The following LYPLAL1 variants were observed in gnomAD, a reference collection of about 807,000 sequenced individuals.
LYPLAL1 encodes the protein lysophospholipase like 1, also known as lysophospholipase-like protein 1.
In LYPLAL1, 23 loss-of-function variants were observed where a neutral mutation model predicts 19.7. The observed-to-expected ratio is 1.17, with a 90% CI of 0.84 to 1.65. LYPLAL1 has a LOEUF of 1.65. Among genes scored for constraint, LYPLAL1 ranks in the 40% most tolerant of loss-of-function variants. The probability of loss-of-function intolerance (pLI) is 0.00; values close to 1 mark genes in which losing one functional copy is unlikely to be tolerated. For missense variants in LYPLAL1, 355 were observed against 279.4 expected (o/e 1.27, Z -1.93); for synonymous variants, 119 against 96.3 (o/e 1.24, Z -1.38).
chr1:219,220,063 T>C, the LYPLAL1 span, among the ~76,000 whole-genome samples: 28 of 152,234 alleles, frequency 1.8e-4, no homozygotes, highest in Admixed American at 3.3e-4. Flanking sequence ...TTGCTTTCCC[T>C]ATAATAATTT....
chr1:219,375,887 G>A, the LYPLAL1 span, among the ~76,000 whole-genome samples: 3 of 151,854 alleles, frequency 2.0e-5, no homozygotes, highest in African/African-American at 7.3e-5. Context: ...GACTACAGGC[G>A]CCCGCCACCA....
chr1:219,228,384 GAAA>G, the LYPLAL1 span, among the ~76,000 whole-genome samples: 1 of 150,984 alleles, frequency 6.6e-6, no homozygotes, highest in African/African-American at 2.4e-5. Context: ...CTAAAAGAAA[GAAA>G]AAAAAAGTTG....
At chr1:219,349,047 T>C in the LYPLAL1 span, among the ~76,000 whole-genome samples, 6 of 152,222 alleles carry the variant, frequency 3.9e-5, no homozygotes, top group Non-Finnish European at 8.8e-5. Context: ...ATCATTTCTT[T>C]TTCATAAAAG....
chr1:219,295,584 A>G, the LYPLAL1 span, among the ~76,000 whole-genome samples: 1 of 152,034 alleles, frequency 6.6e-6, no homozygotes, highest in African/African-American at 2.4e-5. Context: ...CCATGAGGTC[A>G]TGTTGACTTA....
the LYPLAL1 span, among the ~76,000 whole-genome samples, chr1:219,365,737 GA>G: frequency 6.6e-6 from 1 of 152,120 alleles, no homozygotes; most frequent in African/African-American, 2.4e-5. Flanking sequence ...ATGTGACCAT[GA>G]TATATGGGAA....
the LYPLAL1 span, among the ~76,000 whole-genome samples, chr1:219,357,090 A>G: frequency 2.4e-3 from 370 of 152,310 alleles, 3 homozygotes; most frequent in African/African-American, 7.6e-3. Context: ...TGAATGTCCA[A>G]ATGTTATTAT....
intron 3 of LYPLAL1, among the ~76,000 whole-genome samples, chr1:219,196,387 G>T (rs1657603581): frequency 6.6e-6 from 1 of 152,084 alleles, no homozygotes; most frequent in Non-Finnish European, 1.5e-5. Flanking sequence ...TTGCCACTCA[G>T]ACTGGTATGA....
the LYPLAL1 span, among the ~76,000 whole-genome samples, chr1:219,374,751 G>A: frequency 1.3e-5 from 2 of 151,880 alleles, no homozygotes; most frequent in Non-Finnish European, 2.9e-5. Context: ...CCCAAATTCC[G>A]GCAAAACAGC....
At chr1:219,247,322 G>A in the LYPLAL1 span, among the ~76,000 whole-genome samples, 18 of 152,122 alleles carry the variant, frequency 1.2e-4, 1 homozygote, top group Admixed American at 1.0e-3. Context: ...ATTAAAAAGT[G>A]CAATGCAAAA....
the LYPLAL1 span, among the ~76,000 whole-genome samples, chr1:219,336,470 A>G: frequency 6.6e-6 from 1 of 151,934 alleles, no homozygotes; most frequent in Non-Finnish European, 1.5e-5. Flanking sequence ...GGGATATGTT[A>G]TGCACTCAAA....
At chr1:219,233,225 C>T in the LYPLAL1 span, among the ~76,000 whole-genome samples, 8 of 152,158 alleles carry the variant, frequency 5.3e-5, no homozygotes, top group Non-Finnish European at 1.2e-4. Context: ...ATGGATGAAC[C>T]TTGAAGACAT....
chr1:219,356,857 T>C, the LYPLAL1 span, among the ~76,000 whole-genome samples: 26 of 152,346 alleles, frequency 1.7e-4, no homozygotes, highest in South Asian at 5.0e-3. Flanking sequence ...CTTTTAGTCA[T>C]ACATGATTTT....
At chr1:219,199,725 C>T (rs565881961) in intron 3 of LYPLAL1, among the ~76,000 whole-genome samples, 87 of 152,116 alleles carry the variant, frequency 5.7e-4, no homozygotes, top group Non-Finnish European at 1.1e-3. Flanking sequence ...CGCCATTCTC[C>T]TGCCTCAGCC....
the LYPLAL1 span, among the ~76,000 whole-genome samples, chr1:219,303,771 T>G: frequency 6.6e-6 from 1 of 152,208 alleles, no homozygotes; most frequent in South Asian, 2.1e-4. Flanking sequence ...CACATGGAGA[T>G]GAATGGTCAA....
chr1:219,176,118 T>C (rs1011731984), intron 1 of LYPLAL1, among the ~76,000 whole-genome samples: 1 of 152,204 alleles, frequency 6.6e-6, no homozygotes, highest in Non-Finnish European at 1.5e-5. Context: ...GAAGAACATA[T>C]GGGAGTGTAA....
the LYPLAL1 span, among the ~76,000 whole-genome samples, chr1:219,399,214 A>C: frequency 6.6e-6 from 1 of 152,078 alleles, no homozygotes. Context: ...ACACTGGTAG[A>C]GGCATTGGCA....
chr1:219,198,822 T>A (rs1287996414), intron 3 of LYPLAL1: 2 of 152,180 alleles, frequency 1.3e-5, no homozygotes, highest in Non-Finnish European at 2.9e-5. Flanking sequence ...TATAGTTGGT[T>A]AAGTTGAAAA....
At chr1:219,349,918 T>C in the LYPLAL1 span, among the ~76,000 whole-genome samples, 5 of 152,190 alleles carry the variant, frequency 3.3e-5, no homozygotes, top group African/African-American at 1.2e-4. Context: ...CTTAGAAATG[T>C]CTTCACCTCC....
chr1:219,204,309 AG>A (rs1658364259), intron 3 of LYPLAL1, among the ~76,000 whole-genome samples: 1 of 152,200 alleles, frequency 6.6e-6, no homozygotes, highest in South Asian at 2.1e-4. Flanking sequence ...CTGTATTCTG[AG>A]AAAATTATTA....
Sources: allele counts gnomAD v4.1 joint callset (sites outside exome capture counted in the v4.1 genomes callset), GRCh38; gene constraint gnomAD v4.1.1; transcripts MANE v1.5; gene names NCBI Gene and HGNC (gene_info 2026-07-23, HGNC 2026-07-21).